The following TPO variants were observed in gnomAD, a reference collection of about 807,000 sequenced individuals.
The protein encoded by TPO is thyroid microsomal antigen.
A neutral mutation model predicts 96.9 loss-of-function variants in TPO; 78 were observed. That is an observed-to-expected ratio of 0.81 (90% confidence interval 0.67 to 0.97). The LOEUF is 0.97. Ranked by LOEUF, TPO falls within the 50% of genes least tolerant of loss-of-function variation. The pLI, the probability that TPO is intolerant of heterozygous loss-of-function variation, is 0.00. For synonymous variants in TPO, 547 were observed against 538.0 expected, an observed-to-expected ratio of 1.02 and a Z score of -0.23; for missense variants, 1,252 against 1,274.8, an observed-to-expected ratio of 0.98 and a Z score of 0.27.
intron 15 of TPO, among the ~76,000 whole-genome samples, chr2:1,520,450 C>T (rs1375941179): frequency 6.6e-6 from 1 of 152,180 alleles, no homozygotes; most frequent in Non-Finnish European, 1.5e-5. Flanking sequence ...TGGCACACAG[C>T]AGGTGCTCAG....
chr2:1,473,478 C>T lies in TPO; in HGVS notation c.820-3608C>T, dbSNP rs936950693. Among the ~76,000 whole-genome samples, 5 of 152,110 alleles carry T rather than the reference C, an allele frequency of 3.3e-5. No homozygotes were observed. The South Asian group carries it at 6.2e-4, about 19-fold the overall frequency. The stretch of plus-strand genomic sequence containing the variant: ...TAGTATATCCTATTATCTGTCAAGT[C>T]AATACCGCATCACCATTCTTTTCCC... On this transcript the variant is annotated intron_variant, in intron 7 of 16. Coordinates refer to ENST00000329066, the MANE Select transcript of TPO (RefSeq NM_001206744.2).
chr2:1,542,270 A>C, intron 16 of TPO, 151 bp from the exon 17 acceptor site: 1 of 1,098,000 alleles, frequency 9.1e-7, no homozygotes, highest in South Asian at 1.4e-5. Flanking sequence ...ACTTCCCTCC[A>C]GCATGACAAG....
chr2:1,478,042 G>T, intron 8 of TPO: 7 of 985,458 alleles, frequency 7.1e-6, no homozygotes, highest in Non-Finnish European at 8.4e-6. Flanking sequence ...CTTGGAGGTG[G>T]GTGGACCAGG....
chr2:1,391,459 G>A (rs2148358645), intron 1 of TPO, among the ~76,000 whole-genome samples: 1 of 152,282 alleles, frequency 6.6e-6, no homozygotes, highest in East Asian at 1.9e-4. Context: ...GATGCCTCCA[G>A]CTTTGTTCTT....
intron 3 of TPO, among the ~76,000 whole-genome samples, chr2:1,425,360 T>G (rs1203856961): frequency 6.9e-6 from 1 of 144,192 alleles, no homozygotes; most frequent in Admixed American, 7.1e-5. Flanking sequence ...TGTGCAGTCA[T>G]TTTTCTAGAT....
At chr2:1,524,004 CACCAAATCCCCCCCACTCTGTGCAACCTT>C (rs1248905682) in intron 15 of TPO, among the ~76,000 whole-genome samples, 24 of 110,526 alleles carry the variant, frequency 2.2e-4, no homozygotes, top group South Asian at 7.0e-4. Context: ...TCTGCAAACT[CACCAAATCCCCCCCACTCTGTGCAACCTT>C]CCCAAATCCC....
At chr2:1,485,006 C>A in intron 9 of TPO, 152 bp downstream of exon 9, 4 of 1,262,804 alleles carry the variant, frequency 3.2e-6, no homozygotes, top group Non-Finnish European at 4.3e-6. Context: ...TTGCTGTACC[C>A]ATTAACTCGT....
At chr2:1,516,343 C>T (rs1313422295) in intron 14 of TPO, among the ~76,000 whole-genome samples, 2 of 152,210 alleles carry the variant, frequency 1.3e-5, no homozygotes, top group Non-Finnish European at 2.9e-5. Context: ...CCCGTGCCCC[C>T]GTCCCCCCAG....
At chr2:1,540,936 TC>T in intron 16 of TPO, 1 of 1,530,920 alleles carries the variant, frequency 6.5e-7, no homozygotes, top group South Asian at 1.2e-5. Flanking sequence ...GAAGATGCCT[TC>T]CATTTGTACA....
chr2:1,403,490 T>C (rs1326299539), intron 1 of TPO, among the ~76,000 whole-genome samples: 2 of 152,218 alleles, frequency 1.3e-5, no homozygotes, highest in Non-Finnish European at 2.9e-5. Flanking sequence ...GGTACCTCCA[T>C]AGCAGTGGTG....
chr2:1,542,785 CTTCTGGCATCTCT>C lies in TPO; in HGVS notation c.*312_*324del, dbSNP rs1324556240. The C allele has an allele frequency of 1.6e-6, 1 of 635,154 alleles. No individual in the cohort carries two copies. The highest frequency in any genetic ancestry group is 3.7e-5 in the East Asian group (1 of 26,846). 39.3% of individuals were successfully genotyped at this position (635,154 alleles called of 1,614,324 possible). On this transcript the variant is annotated 3_prime_UTR_variant, in exon 17 of 17. Transcript: ENST00000329066. ...ACTCTTGCAATCCTCCTGTCTCCAC[CTTCTGGCATCTCT>C]GATGCCGTGCTCGTCTGCACTCTGC...
rs764851957 is a variant in TPO, at chr2:1,477,390, G to C, written c.1124G>C (p.Cys375Ser). ...GTGCCGCCACGCGCGCCTGCGGCCT[G>C]TGCGCCCGAGCCCGGCATCCCCGGA... ...PFVPPRAPAA[C>S]APEPGIPGET... Residue 375 changes from cysteine (C) to serine (S), a missense_variant, in exon 8 of 17, where the codon TGT becomes TCT. Transcript: ENST00000329066. 31 of 1,526,232 alleles carry C rather than the reference G, an allele frequency of 2.0e-5. No homozygotes were observed. Among genetic ancestry groups the C allele is most frequent in the Non-Finnish European group, 2.4e-5 (27 of 1,139,160 alleles). 94.5% of individuals were successfully genotyped at this position (1,526,232 alleles called of 1,614,324 possible). A position where few individuals can be genotyped will look rare whatever the true frequency, so the allele number is the denominator to read the frequency against.
chr2:1,408,990 G>T (rs1199416507), upstream of TPO, among the ~76,000 whole-genome samples: 1 of 152,180 alleles, frequency 6.6e-6, no homozygotes, highest in East Asian at 1.9e-4. Flanking sequence ...ATGGGTCCCT[G>T]GTCAGGAGGC....
chr2:1,392,296 T>A (rs1486819752), intron 1 of TPO, among the ~76,000 whole-genome samples: 1 of 152,230 alleles, frequency 6.6e-6, no homozygotes, highest in African/African-American at 2.4e-5. Context: ...GTTTACGTGA[T>A]GGATTATGTT....
At position 1,422,344 on chromosome 2, in the gene TPO, C is replaced by CGACCTCGTGCAGCCGCCTCTCCTGGACA. The variant is rs1663731491; in HGVS notation, c.95-689_95-688insCCGCCTCTCCTGGACAGACCTCGTGCAG. On this transcript the variant is annotated intron_variant, in intron 2 of 16. Coordinates refer to ENST00000329066, the MANE Select transcript of TPO (RefSeq NM_001206744.2). ...CCTCGTGCAGGCGCCTCTCCTGGAC[C>CGACCTCGTGCAGCCGCCTCTCCTGGACA]GACCTCGTGCAGGCGCCGCGCTGGA... is the stretch of plus-strand genomic sequence containing the variant. 3.6e-4 allele frequency among the ~76,000 whole-genome samples: 28 copies of CGACCTCGTGCAGCCGCCTCTCCTGGACA among 77,616 alleles called. 1 individual carries two copies. The highest frequency in any genetic ancestry group is 1.2e-3 in the African/African-American group (25 of 21,594). 50.9% of individuals were successfully genotyped at this position (77,616 alleles called of 152,430 possible). A position where few individuals can be genotyped will look rare whatever the true frequency, so the allele number is the denominator to read the frequency against.
rs1359186579 is a variant in TPO, at chr2:1,484,835, A to G, written c.1578A>G (p.Pro526=). 1.2e-6 allele frequency: 2 copies of G among 1,613,942 alleles called. No homozygotes were observed. Among genetic ancestry groups the G allele is most frequent in the Non-Finnish European group, 1.7e-6 (2 of 1,180,042 alleles). ...GGCTGCACCAGGCTTTCTTCAGCCC[A>G]TGGACATTACTCCGTGGAGGTGAGT... ...GLWLHQAFFS[P]WTLLRGGGLD... The change falls in exon 9 of 17, where the codon CCA becomes CCG. Residue 526 remains proline (P), a synonymous_variant. Transcript: ENST00000329066.
intron 3 of TPO, among the ~76,000 whole-genome samples, chr2:1,426,371 T>G (rs1384354592): frequency 6.6e-6 from 1 of 150,656 alleles, no homozygotes; most frequent in Non-Finnish European, 1.5e-5. Context: ...TTCCATAAAG[T>G]CATTTTTCTA....
chr2:1,500,592 T>C, intron 13 of TPO, among the ~76,000 whole-genome samples: 1 of 152,192 alleles, frequency 6.6e-6, no homozygotes, highest in East Asian at 1.9e-4. Flanking sequence ...ACTGAATATT[T>C]GATACAGAAA....
At chr2:1,383,527 T>C (rs980758684) in intron 1 of TPO, among the ~76,000 whole-genome samples, 2 of 152,246 alleles carry the variant, frequency 1.3e-5, no homozygotes, top group African/African-American at 4.8e-5. Context: ...ATGTCTTCTT[T>C]TGAGAAGTGT....
Sources: gnomAD v4.1 joint callset for allele counts (sites outside exome capture counted in the v4.1 genomes callset) on GRCh38, gnomAD v4.1.1 for gene constraint, MANE v1.5 for transcripts, NCBI Gene and HGNC (gene_info 2026-07-23, HGNC 2026-07-21) for gene names.